DCAF8L2: variants seen among roughly 807,000 people sequenced by gnomAD.
The protein encoded by DCAF8L2 is DDB1 and CUL4 associated factor 8 like 2.
For synonymous variants in DCAF8L2, 200 were observed against 190.9 expected (o/e 1.05, Z -0.39); for missense variants, 430 against 490.7 (o/e 0.88, Z 1.17).
chrX:27,519,249 A>G, the DCAF8L2 span: 2 of 972,024 alleles, frequency 2.1e-6, no homozygotes, highest in Non-Finnish European at 2.9e-6. Context: ...AGAAATAACT[A>G]GAAGAACAGA....
At chrX:27,539,420 A>C in the DCAF8L2 span, among the ~76,000 whole-genome samples, 1 of 111,202 alleles carries the variant, frequency 9.0e-6, no homozygotes, top group African/African-American at 3.3e-5. Context: ...AGAGAAAATA[A>C]AATACAAAGC....
At chrX:27,499,839 G>GC in the DCAF8L2 span, among the ~76,000 whole-genome samples, 1 of 108,542 alleles carries the variant, frequency 9.2e-6, no homozygotes, top group Non-Finnish European at 1.9e-5. Flanking sequence ...TTGGTGGTGG[G>GC]GGGGGGTACA....
At chrX:27,598,373 A>G (rs1018690491) in intron 1 of DCAF8L2, among the ~76,000 whole-genome samples, 1 of 111,263 alleles carries the variant, frequency 9.0e-6, no homozygotes, top group Admixed American at 9.5e-5. Context: ...CCCCGAGGGG[A>G]TGGGGCGGGT....
At chrX:27,515,888 A>G in the DCAF8L2 span, among the ~76,000 whole-genome samples, 2 of 112,122 alleles carry the variant, frequency 1.8e-5, no homozygotes, top group Non-Finnish European at 1.9e-5. Flanking sequence ...GTGCACAACT[A>G]TGGTACAACA....
chrX:27,616,481 T>C (rs1206091323), intron 1 of DCAF8L2, among the ~76,000 whole-genome samples: 1 of 111,632 alleles, frequency 9.0e-6, no homozygotes, highest in Non-Finnish European at 1.9e-5. Context: ...TAAAAAATTA[T>C]TACTCCAGTT....
the DCAF8L2 span, among the ~76,000 whole-genome samples, chrX:27,511,923 C>T: frequency 9.0e-6 from 1 of 111,017 alleles, no homozygotes; most frequent in Non-Finnish European, 1.9e-5. Flanking sequence ...GCAACAACAA[C>T]AACAAAAAAC....
chrX:27,541,986 G>A, the DCAF8L2 span, among the ~76,000 whole-genome samples: 3 of 111,568 alleles, frequency 2.7e-5, no homozygotes, highest in Admixed American at 9.5e-5. Flanking sequence ...TAGGATAACC[G>A]CCTCCAGCTA....
intron 4 of DCAF8L2, among the ~76,000 whole-genome samples, chrX:27,736,666 T>C (rs1407154406): frequency 1.8e-5 from 2 of 112,116 alleles, no homozygotes; most frequent in East Asian, 5.6e-4. Context: ...ATGCAAATCC[T>C]ATCAGGTAAT....
chrX:27,731,700 C>T (rs1372878178), intron 4 of DCAF8L2, among the ~76,000 whole-genome samples: 1 of 111,653 alleles, frequency 9.0e-6, no homozygotes, highest in Non-Finnish European at 1.9e-5. Flanking sequence ...TAGGAAGACA[C>T]AAATACACAG....
intron 1 of DCAF8L2, among the ~76,000 whole-genome samples, chrX:27,610,962 G>GA (rs1448593919): frequency 1.8e-5 from 2 of 111,493 alleles, no homozygotes; most frequent in South Asian, 3.7e-4. Context: ...TTTTTAATCG[G>GA]AAAAAAAACA....
At chrX:27,691,887 A>G (rs1257341135) in intron 3 of DCAF8L2, among the ~76,000 whole-genome samples, 1 of 111,772 alleles carries the variant, frequency 8.9e-6, no homozygotes, top group African/African-American at 3.2e-5. Flanking sequence ...AGCCTAGGAG[A>G]TTAAAAATGT....
the DCAF8L2 span, among the ~76,000 whole-genome samples, chrX:27,482,304 A>T: frequency 1.8e-5 from 2 of 111,495 alleles, no homozygotes; most frequent in African/African-American, 6.5e-5. Context: ...AGAACATCAA[A>T]TTTTTTTACA....
the DCAF8L2 span, among the ~76,000 whole-genome samples, chrX:27,471,381 C>T: frequency 9.6e-3 from 1,062 of 111,055 alleles, 5 homozygotes; most frequent in Non-Finnish European, 0.017. Flanking sequence ...CTCACAGCAC[C>T]CAGAGCTTGC....
the DCAF8L2 span, among the ~76,000 whole-genome samples, chrX:27,512,779 CAAAAAAAA>C: frequency 2.7e-4 from 5 of 18,550 alleles, no homozygotes; most frequent in Non-Finnish European, 2.6e-4. Flanking sequence ...CAATCTTGAG[CAAAAAAAA>C]AAAAAAAAAA....
At position 27,747,647 on chromosome X, in the gene DCAF8L2, A is replaced by G; in HGVS notation, c.752A>G (p.Lys251Arg). The G allele has an allele frequency of 3.3e-6, 4 of 1,209,795 alleles. No homozygotes were observed. Among genetic ancestry groups the G allele is most frequent in the Non-Finnish European group, 4.5e-6 (4 of 894,383 alleles). Residue 251 changes from lysine (K) to arginine (R), a missense_variant, in exon 5 of 5, where the codon AAG becomes AGG. Physicochemically the swap from Lys to Arg is conservative, Grantham distance 26 (BLOSUM62 2). Coordinates refer to ENST00000451261, the MANE Select transcript of DCAF8L2 (RefSeq NM_001353450.2). ...CTGGCCAGTAGCGGTGATGACCTAA[A>G]GGTGATAGTGTGGGACTGGGTGCGG... is the stretch of plus-strand genomic sequence containing the variant. ...TRLASSGDDL[K>R]VIVWDWVRQR...
chrX:27,724,704 T>G (rs771899096), intron 4 of DCAF8L2, among the ~76,000 whole-genome samples: 2 of 111,565 alleles, frequency 1.8e-5, no homozygotes, highest in African/African-American at 3.2e-5. Context: ...ATTCAATTCT[T>G]CACAGCTACA....
the DCAF8L2 span, among the ~76,000 whole-genome samples, chrX:27,487,981 G>A: frequency 1.8e-5 from 2 of 111,909 alleles, no homozygotes; most frequent in South Asian, 7.4e-4. Context: ...TAAAACTTCA[G>A]GTACAAGTCT....
chrX:27,631,415 A>G (rs1477302859), intron 1 of DCAF8L2, among the ~76,000 whole-genome samples: 2 of 112,328 alleles, frequency 1.8e-5, no homozygotes, highest in Non-Finnish European at 3.8e-5. Context: ...GGAAAGAGAA[A>G]GAAATAAAAT....
chrX:27,720,375 AT>A (rs58479042), intron 4 of DCAF8L2, among the ~76,000 whole-genome samples: 1 of 107,236 alleles, frequency 9.3e-6, no homozygotes, highest in African/African-American at 3.4e-5. Flanking sequence ...TATTATTATT[AT>A]TTTTTTTTGA....
Sources: gnomAD v4.1 joint callset for allele counts (sites outside exome capture counted in the v4.1 genomes callset) on GRCh38, gnomAD v4.1.1 for gene constraint, MANE v1.5 for transcripts, NCBI Gene and HGNC (gene_info 2026-07-23, HGNC 2026-07-21) for gene names.